The following IQCM variants were observed in gnomAD, a reference collection of about 807,000 sequenced individuals.
IQCM encodes the protein IQ motif containing M, also known as IQ domain-containing protein M.
In IQCM, 45 loss-of-function variants were observed where a neutral mutation model predicts 57.6. The observed-to-expected ratio is 0.78, with a 90% CI of 0.62 to 1.00. The LOEUF (loss-of-function observed/expected upper bound fraction) is 1.00, where lower values mean the gene tolerates loss of function less well. IQCM is among the 50% of genes least tolerant of loss of function. The pLI, the probability that IQCM is intolerant of heterozygous loss-of-function variation, is 0.00. For missense variants in IQCM, 468 were observed against 511.6 expected, an observed-to-expected ratio of 0.91 and a Z score of 0.82; for synonymous variants, 148 against 158.9, an observed-to-expected ratio of 0.93 and a Z score of 0.51.
chr4:149,583,214 T>C (rs1752368001), intron 9 of IQCM, among the ~76,000 whole-genome samples: 1 of 151,626 alleles, frequency 6.6e-6, no homozygotes, highest in Non-Finnish European at 1.5e-5. Flanking sequence ...TGAACTATAA[T>C]AATATTTGAA....
At chr4:149,800,608 CT>C (rs1400688884) in intron 2 of IQCM, among the ~76,000 whole-genome samples, 2 of 151,886 alleles carry the variant, frequency 1.3e-5, no homozygotes, top group Non-Finnish European at 2.9e-5. Flanking sequence ...AAAGACTCCA[CT>C]GAAAAACTAT....
chr4:149,363,388 G>T (rs1346677934), intron 13 of IQCM, among the ~76,000 whole-genome samples: 7 of 152,164 alleles, frequency 4.6e-5, no homozygotes, highest in Non-Finnish European at 1.0e-4. Flanking sequence ...AGTCTAGAAT[G>T]ATGTATTTAT....
chr4:149,506,572 G>T (rs1004706037), intron 12 of IQCM, among the ~76,000 whole-genome samples: 102 of 152,218 alleles, frequency 6.7e-4, no homozygotes, highest in African/African-American at 2.3e-3. Context: ...ATACCCTTTG[G>T]AAAGAAGTTA....
intron 2 of IQCM, among the ~76,000 whole-genome samples, chr4:149,742,993 T>C (rs1358943277): frequency 6.6e-6 from 1 of 152,142 alleles, no homozygotes; most frequent in Non-Finnish European, 1.5e-5. Flanking sequence ...GAACTATTAT[T>C]ATGAATATTT....
chr4:149,480,658 C>A lies in IQCM; in HGVS notation c.1229-47101G>T, dbSNP rs147252303. ...TACCACATTTTCTTTAGGCATTCAT[C>A]CATTGATGGACACTTAGATTGCTTC... On this transcript the variant is annotated intron_variant, in intron 12 of 13. Transcript: ENST00000636793. Among the ~76,000 whole-genome samples the A allele has an allele frequency of 7.7e-3, 1,169 of 152,250 alleles. 8 individuals are homozygous for A. Among genetic ancestry groups the A allele is most frequent in the Non-Finnish European group, 0.012 (819 of 67,998 alleles).
At chr4:149,466,325 A>G (rs1194720190) in intron 12 of IQCM, among the ~76,000 whole-genome samples, 2 of 152,162 alleles carry the variant, frequency 1.3e-5, no homozygotes, top group African/African-American at 4.8e-5. Context: ...TAACAATAAT[A>G]ATGTTCAATT....
chr4:149,762,695 G>A (rs1186070801), intron 2 of IQCM, among the ~76,000 whole-genome samples: 1 of 151,912 alleles, frequency 6.6e-6, no homozygotes, highest in Non-Finnish European at 1.5e-5. Flanking sequence ...TTCCACATGA[G>A]GGATTTGAAA....
chr4:149,790,047 T>C, intron 2 of IQCM: 1 of 468,742 alleles, frequency 2.1e-6, no homozygotes, highest in South Asian at 4.6e-5. Context: ...CATGCATTTC[T>C]CCTCAGTGGA....
intron 7 of IQCM, among the ~76,000 whole-genome samples, chr4:149,673,181 G>C (rs1176312216): frequency 6.6e-6 from 1 of 152,154 alleles, no homozygotes; most frequent in Non-Finnish European, 1.5e-5. Flanking sequence ...ATGGCAAATT[G>C]AAAAGACCAT....
At chr4:149,753,497 A>G (rs1014553457) in intron 2 of IQCM, among the ~76,000 whole-genome samples, 2 of 152,100 alleles carry the variant, frequency 1.3e-5, no homozygotes, top group African/African-American at 4.8e-5. Flanking sequence ...TCAGTGAGCT[A>G]GAAGATAACA....
At chr4:149,477,945 C>T (rs138913570) in intron 12 of IQCM, among the ~76,000 whole-genome samples, 1 of 150,834 alleles carries the variant, frequency 6.6e-6, no homozygotes, top group Admixed American at 6.6e-5. Flanking sequence ...AATTCTGACT[C>T]TCAACCTTCA....
rs1191490291 is a variant in IQCM at position 149,600,111 on chromosome 4, T to C, written c.682-12114A>G. ...TTTTAAAAATCGAATTAAATCCTTT[T>C]TACTTGTGTATTTATTGAGGACTAA... On this transcript the variant is annotated intron_variant, in intron 8 of 13. Coordinates refer to ENST00000636793, the MANE Select transcript of IQCM (RefSeq NM_001363507.2). Among the ~76,000 whole-genome samples, 6 of 152,188 alleles carry C rather than the reference T, an allele frequency of 3.9e-5. No individual in the cohort carries two copies. The East Asian group carries it at 9.6e-4, about 24-fold the overall frequency.
chr4:149,481,701 G>GGTT (rs1740815125), intron 12 of IQCM, among the ~76,000 whole-genome samples: 1 of 51,550 alleles, frequency 1.9e-5, no homozygotes, highest in African/African-American at 7.6e-5. Context: ...TTCCAGTTTT[G>GGTT]TTTTTTTTTT....
Position 149,626,392 on chromosome 4 carries a change from C to CATATATATATATAT in IQCM, c.566-5149_566-5148insATATATATATATAT, listed in dbSNP as rs371051488. 7.3e-4 allele frequency among the ~76,000 whole-genome samples: 88 copies of CATATATATATATAT among 120,554 alleles called. 4 individuals carry two copies. The highest frequency in any genetic ancestry group is 1.5e-3 in the African/African-American group (47 of 32,200). The allele number at this position is 120,554 out of a possible 152,430, so 79.1% of individuals were successfully genotyped here. Reference sequence around the variant, plus strand: ...GATTGTGTTAGTTATACTTAATAAACATATATATATATAAGTTTATAGCAA... The same window carrying CATATATATATATAT: ...GATTGTGTTAGTTATACTTAATAAACATATATATATATATATATATATATATAAGTTTATAGCAA... On this transcript the variant is annotated intron_variant, in intron 7 of 13. Transcript: ENST00000636793.
chr4:149,396,991 C>A (rs1401306858), intron 13 of IQCM, among the ~76,000 whole-genome samples: 1 of 151,964 alleles, frequency 6.6e-6, no homozygotes. Context: ...TATTGTGAAT[C>A]ATGATGCAAT....
At chr4:149,423,989 TA>T (rs1287935972) in intron 13 of IQCM, among the ~76,000 whole-genome samples, 1 of 151,884 alleles carries the variant, frequency 6.6e-6, no homozygotes, top group Non-Finnish European at 1.5e-5. Flanking sequence ...ATATAAATAA[TA>T]AAAATGTATT....
At position 149,390,803 on chromosome 4, in the gene IQCM, G is replaced by A. The variant is rs545834836; in HGVS notation, c.1391-38737C>T. Among the ~76,000 whole-genome samples, 24 of 151,692 alleles carry A rather than the reference G, an allele frequency of 1.6e-4. No homozygotes were observed. In the East Asian group the frequency reaches 2.0e-3, roughly 12 times the overall value. On this transcript the variant is annotated intron_variant, in intron 13 of 13. Transcript: ENST00000636793. ...GGTGTAATCTTTTTTACAAGCCACC[G>A]GATTCAACTTTTTAGTATTTTGTTG...
chr4:149,515,903 C>T (rs923371845), intron 12 of IQCM, among the ~76,000 whole-genome samples: 1 of 152,144 alleles, frequency 6.6e-6, no homozygotes, highest in African/African-American at 2.4e-5. Flanking sequence ...CATGTGAGTG[C>T]TTACCAACTG....
intron 7 of IQCM, among the ~76,000 whole-genome samples, chr4:149,672,556 G>A (rs1394715403): frequency 4.6e-5 from 7 of 152,116 alleles, no homozygotes; most frequent in Admixed American, 4.6e-4. Context: ...GTGAAATGAA[G>A]TGAGAAGAGA....
Sources: gnomAD v4.1 joint callset for allele counts (sites outside exome capture counted in the v4.1 genomes callset) on GRCh38, gnomAD v4.1.1 for gene constraint, MANE v1.5 for transcripts, NCBI Gene and HGNC (gene_info 2026-07-23, HGNC 2026-07-21) for gene names.